The following SULF1 variants were observed in gnomAD, a reference collection of about 807,000 sequenced individuals.
SULF1 encodes sulfatase 1, also known as extracellular sulfatase Sulf-1.
In SULF1, 46 loss-of-function variants were observed where a neutral mutation model predicts 110.5. The ratio of observed to expected loss-of-function variants is 0.42; its 90% confidence interval spans 0.33 to 0.53. The LOEUF (loss-of-function observed/expected upper bound fraction) is 0.53, where lower values mean the gene tolerates loss of function less well. Ranked by LOEUF, SULF1 falls within the 20% of genes least tolerant of loss-of-function variation. The probability of loss-of-function intolerance (pLI) is 0.12; values close to 1 mark genes in which losing one functional copy is unlikely to be tolerated. For missense variants in SULF1, 941 were observed against 1,094.2 expected (o/e 0.86, Z 1.98); for synonymous variants, 371 against 387.1 (o/e 0.96, Z 0.49).
chr8:69,570,543 T>C (rs1034467179), intron 5 of SULF1, among the ~76,000 whole-genome samples: 1 of 152,188 alleles, frequency 6.6e-6, no homozygotes, highest in African/African-American at 2.4e-5. Flanking sequence ...ATACAAATGA[T>C]TTTTGTATGA....
chr8:69,608,457 A>G (rs1808395564), intron 13 of SULF1, among the ~76,000 whole-genome samples: 1 of 152,190 alleles, frequency 6.6e-6, no homozygotes, highest in Non-Finnish European at 1.5e-5. Context: ...AGGCGGGCAG[A>G]TCATCTGAGG....
intron 5 of SULF1, among the ~76,000 whole-genome samples, chr8:69,574,600 A>G (rs77074138): frequency 0.014 from 2,070 of 152,326 alleles, 49 homozygotes; most frequent in African/African-American, 0.048. Context: ...TAGAGAATTT[A>G]TTACTGAAGA....
chr8:69,656,096 A>G (rs1812708239), intron 22 of SULF1, among the ~76,000 whole-genome samples: 1 of 148,798 alleles, frequency 6.7e-6, no homozygotes. Context: ...TGATACTTGA[A>G]GGAGATCTGG....
chr8:69,575,196 A>G (rs1284328579), intron 5 of SULF1, among the ~76,000 whole-genome samples: 1 of 151,180 alleles, frequency 6.6e-6, no homozygotes, highest in Non-Finnish European at 1.5e-5. Context: ...AGTAATCGAA[A>G]TAGTTTTTTT....
At position 69,479,043 on chromosome 8, in the gene SULF1, T is replaced by C. The variant is rs1330519577; in HGVS notation, c.-391+12093T>C. On this transcript the variant is annotated intron_variant, in intron 1 of 22. Transcript: ENST00000260128. ...TCATGCACTGATTCTCTGGCTCAGA[T>C]TTTTTGTTTCCATCTTCTGCCCACA... is the stretch of plus-strand genomic sequence containing the variant. 3.3e-5 allele frequency among the ~76,000 whole-genome samples: 5 copies of C among 152,322 alleles called. No homozygotes were observed. In the East Asian group the frequency reaches 5.8e-4, roughly 18 times the overall value.
chr8:69,627,608 A>G (rs1222412142), intron 16 of SULF1, among the ~76,000 whole-genome samples, 164 bp from the exon 17 acceptor site: 1 of 152,244 alleles, frequency 6.6e-6, no homozygotes. Flanking sequence ...GTTGGAATAT[A>G]GAGTCTATAT....
intron 5 of SULF1, among the ~76,000 whole-genome samples, chr8:69,564,878 C>T (rs1347417548): frequency 5.3e-5 from 8 of 152,164 alleles, no homozygotes; most frequent in African/African-American, 1.9e-4. Context: ...GAAAGCTTGC[C>T]CCTAGAAGTT....
In SULF1 at chr8:69,600,772, C is replaced by T. The variant is rs755068672; in HGVS notation, c.885+19C>T. 6.2e-6 allele frequency: 10 copies of T among 1,606,650 alleles called. No homozygotes were observed. In the African/African-American group the frequency reaches 1.2e-4, roughly 19 times the overall value. ...GGAGAGGGTAAGCACATGAACCTAC[C>T]TCAGTGATAGTTTTTGGCCCAGCTT... On this transcript the variant is annotated intron_variant, in intron 9 of 22. Coordinates refer to ENST00000402687, the MANE Select transcript of SULF1 (RefSeq NM_001128205.2).
chr8:69,563,034 A>G (rs1233186170), intron 3 of SULF1: 1 of 152,202 alleles, frequency 6.6e-6, no homozygotes, highest in Non-Finnish European at 1.5e-5. Context: ...CTTACTATGA[A>G]GTCTTTGTCA....
intron 3 of SULF1, among the ~76,000 whole-genome samples, chr8:69,517,950 C>T (rs1390219760): frequency 6.6e-6 from 1 of 152,134 alleles, no homozygotes; most frequent in Non-Finnish European, 1.5e-5. Flanking sequence ...ATATATTTTA[C>T]ATTTATCATA....
chr8:69,554,311 A>C (rs1203153094), intron 3 of SULF1, among the ~76,000 whole-genome samples: 2 of 152,230 alleles, frequency 1.3e-5, no homozygotes, highest in African/African-American at 2.4e-5. Context: ...AGTGACAGTA[A>C]GTGTAAATTT....
At chr8:69,631,610 G>A (rs1245159913) in intron 19 of SULF1, among the ~76,000 whole-genome samples, 1 of 152,220 alleles carries the variant, frequency 6.6e-6, no homozygotes, top group African/African-American at 2.4e-5. Flanking sequence ...AACCCCATAT[G>A]CTCCTATCCA....
At chr8:69,511,928 G>A (rs931537001) in intron 3 of SULF1, among the ~76,000 whole-genome samples, 3 of 152,054 alleles carry the variant, frequency 2.0e-5, no homozygotes, top group African/African-American at 7.2e-5. Context: ...ACACTGCACA[G>A]AATAGCATCC....
chr8:69,511,497 T>A (rs944253678), intron 3 of SULF1, among the ~76,000 whole-genome samples: 80 of 152,244 alleles, frequency 5.3e-4, no homozygotes, highest in African/African-American at 1.8e-3. Context: ...CAGAGCTGCA[T>A]GCTGAGCTTC....
chr8:69,599,874 G>A (rs1462904168), intron 8 of SULF1, among the ~76,000 whole-genome samples: 1 of 152,168 alleles, frequency 6.6e-6, no homozygotes, highest in Non-Finnish European at 1.5e-5. Flanking sequence ...ATACCATGTG[G>A]ATCTCTGCAG....
rs1281069419 is a variant in SULF1, at chr8:69,600,629, A to G, written c.761A>G (p.Asn254Ser). Reference sequence around the variant, plus strand: ...ACTCCTAGTTATAACTATGCACCAAATATGGATAAACACTGGATTATGCAG... The same window carrying G: ...ACTCCTAGTTATAACTATGCACCAAGTATGGATAAACACTGGATTATGCAG... ...HITPSYNYAP[N>S]MDKHWIMQYT... is the part of the protein sequence containing the mutation. Residue 254 changes from asparagine (N) to serine (S), a missense_variant, in exon 9 of 23, where the codon AAT becomes AGT. Physicochemically the swap from Asn to Ser is conservative, Grantham distance 46. Around this residue, in one of 3 missense-constraint regions of SULF1, gnomAD observed 822 missense variants for 934.3 expected, o/e 0.88. Transcript: ENST00000402687. 6.2e-7 allele frequency: 1 copy of G among 1,613,182 alleles called. No homozygotes were observed. The highest frequency in any genetic ancestry group is 1.7e-5 in the Admixed American group (1 of 59,972).
At chr8:69,467,983 T>C (rs532093570) in intron 1 of SULF1, among the ~76,000 whole-genome samples, 26 of 135,460 alleles carry the variant, frequency 1.9e-4, no homozygotes, top group Non-Finnish European at 3.5e-4. Flanking sequence ...GTTTAATTTA[T>C]AGTATTAAAA....
At chr8:69,656,683 C>T (rs575774599) in intron 22 of SULF1, among the ~76,000 whole-genome samples, 414 of 152,238 alleles carry the variant, frequency 2.7e-3, no homozygotes, top group African/African-American at 9.5e-3. Flanking sequence ...TAGTATTCCA[C>T]GGTATATATG....
intron 13 of SULF1, among the ~76,000 whole-genome samples, chr8:69,611,450 A>T (rs1808647626): frequency 6.6e-6 from 1 of 152,098 alleles, no homozygotes. Context: ...CCCATCTCAC[A>T]CCATCTCAAA....
Sources: gnomAD v4.1 joint callset for allele counts (sites outside exome capture counted in the v4.1 genomes callset) on GRCh38, gnomAD v4.1.1 for gene constraint, gnomAD v4.1.1 regional missense constraint, MANE v1.5 for transcripts, NCBI Gene and HGNC (gene_info 2026-07-23, HGNC 2026-07-21) for gene names.